PLGRKT: variants seen among roughly 807,000 people sequenced by gnomAD.
The protein encoded by PLGRKT is plasminogen receptor with a C-terminal lysine.
PLGRKT carries 22 observed loss-of-function variants against 18.5 expected under a neutral mutation model. The observed-to-expected ratio is 1.19, with a 90% CI of 0.85 to 1.70. The LOEUF (loss-of-function observed/expected upper bound fraction) is 1.70. PLGRKT is among the 40% of genes most tolerant of loss of function. The pLI, the probability that PLGRKT is intolerant of heterozygous loss-of-function variation, is 0.00. For missense variants in PLGRKT, 235 were observed against 174.4 expected (o/e 1.35, Z -1.96); for synonymous variants, 72 against 52.8 (o/e 1.36, Z -1.58).
chr9:5,416,232 C>T (rs1488151732), intron 3 of PLGRKT, among the ~76,000 whole-genome samples: 1 of 151,964 alleles, frequency 6.6e-6, no homozygotes, highest in Non-Finnish European at 1.5e-5. Context: ...ACATTAAAGA[C>T]ATCTATGGGG....
At chr9:5,420,511 T>A (rs1408532828) in intron 3 of PLGRKT, among the ~76,000 whole-genome samples, 1 of 152,014 alleles carries the variant, frequency 6.6e-6, no homozygotes, top group Non-Finnish European at 1.5e-5. Flanking sequence ...TGGGCAGAAA[T>A]GAGCCCCAGA....
intron 3 of PLGRKT, among the ~76,000 whole-genome samples, chr9:5,421,992 T>A (rs995876345): frequency 6.6e-6 from 1 of 152,242 alleles, no homozygotes; most frequent in African/African-American, 2.4e-5. Flanking sequence ...TTCACTATTC[T>A]GAAATTGCTA....
rs1818517641 is a variant in PLGRKT at position 5,418,886 on chromosome 9, G to T, written c.81+13011C>A. ...TGGAGGCAAACTGAACAGCAGGTGT[G>T]CTTGCAATCCAGCAACTTGGCCTTC... On this transcript the variant is annotated intron_variant, in intron 3 of 5. Coordinates refer to ENST00000223864, the MANE Select transcript of PLGRKT (RefSeq NM_018465.4). This position sits in a 1 kb window ranked among gnomAD's most constrained non-coding sequence, Gnocchi z 4.2. The T allele has an allele frequency of 5.0e-6, 5 of 995,244 alleles. No homozygotes were observed. In the African/African-American group the frequency reaches 8.0e-5, roughly 16 times the overall value. The allele number at this position is 995,244 out of a possible 1,614,324, so 61.7% of individuals were successfully genotyped here. A position where few individuals can be genotyped will look rare whatever the true frequency, so the allele number is the denominator to read the frequency against.
At chr9:5,420,703 T>G (rs945744326) in intron 3 of PLGRKT, among the ~76,000 whole-genome samples, 8 of 152,200 alleles carry the variant, frequency 5.3e-5, no homozygotes, top group African/African-American at 1.9e-4. Flanking sequence ...CTACAAAGAT[T>G]GTGCTGCTTT....
Position 5,371,986 on chromosome 9 carries a change from C to CT in PLGRKT, c.82-10099dup, listed in dbSNP as rs71326158. On this transcript the variant is annotated intron_variant, in intron 3 of 5. Transcript: ENST00000223864. ...CTGCAAAAAACAATATCAGAAAATC[C>CT]TTTTTTTTTTTTTGATATGGAGTCT... Among the ~76,000 whole-genome samples, 67 of 89,108 alleles carry CT rather than the reference C, an allele frequency of 7.5e-4. 4 individuals are homozygous for CT. The highest frequency in any genetic ancestry group is 2.8e-3 in the East Asian group (10 of 3,522). The allele number at this position is 89,108 out of a possible 152,430, so 58.5% of individuals were successfully genotyped here.
chr9:5,421,321 C>T (rs1452315281), intron 3 of PLGRKT, among the ~76,000 whole-genome samples: 1 of 152,224 alleles, frequency 6.6e-6, no homozygotes, highest in Non-Finnish European at 1.5e-5. Context: ...GCTCAAAGGT[C>T]ACCTTCTGAG....
At chr9:5,392,868 G>C (rs1356247036) in intron 3 of PLGRKT, among the ~76,000 whole-genome samples, 3 of 151,486 alleles carry the variant, frequency 2.0e-5, no homozygotes, top group Admixed American at 1.3e-4. Context: ...TTGAGACAGA[G>C]TCTCACTCTG....
chr9:5,403,719 A>C (rs1586729153), intron 3 of PLGRKT, among the ~76,000 whole-genome samples: 3 of 152,248 alleles, frequency 2.0e-5, no homozygotes, highest in African/African-American at 2.4e-5. Flanking sequence ...TTTAGTGATG[A>C]GTATGAAGGG....
At chr9:5,367,438 T>G (rs909401947) in intron 3 of PLGRKT, among the ~76,000 whole-genome samples, 1 of 152,072 alleles carries the variant, frequency 6.6e-6, no homozygotes, top group African/African-American at 2.4e-5. Flanking sequence ...TAAAGCCACA[T>G]ACCTACAACC....
chr9:5,419,257 A>G lies in PLGRKT; in HGVS notation c.81+12640T>C, dbSNP rs114824646. ...CTGGAAACAGTGGTTCCCAAGGAAA[A>G]CATTGCAATATGATTATTTATCCTC... On this transcript the variant is annotated intron_variant, in intron 3 of 5. Transcript: ENST00000223864. Among the ~76,000 whole-genome samples the G allele has an allele frequency of 5.1e-3, 775 of 152,346 alleles. 6 individuals are homozygous for G. Among genetic ancestry groups the G allele is most frequent in the African/African-American group, 0.017 (725 of 41,578 alleles).
intron 3 of PLGRKT, among the ~76,000 whole-genome samples, chr9:5,409,479 C>T (rs1488920731): frequency 6.6e-6 from 1 of 152,230 alleles, no homozygotes; most frequent in African/African-American, 2.4e-5. Flanking sequence ...CCTTAGCCTG[C>T]AGATGGCCTA....
intron 3 of PLGRKT, among the ~76,000 whole-genome samples, chr9:5,394,639 C>T (rs778636072): frequency 2.0e-5 from 3 of 151,884 alleles, no homozygotes; most frequent in African/African-American, 4.9e-5. Context: ...TCTCAACCTC[C>T]TGACCTCAGG....
Position 5,431,899 on chromosome 9 carries a change from G to A in PLGRKT, c.79C>T (p.Gln27Ter), listed in dbSNP as rs1163338012. ...AGCTTAATTATTTTAAAACATACCT[G>A]AAGTCGAGCATTCATAAGCATGAAC... The part of the protein sequence containing the change: ...KEFMLMNARL[Q>*]LERQLIMQSE... The change falls in exon 3 of 6, where the codon CAG becomes TAG. Residue 27 changes from glutamine (Q) to a stop codon, truncating the protein, a stop_gained and splice_region_variant. Transcript: ENST00000223864. LOFTEE classifies it high-confidence loss of function. The A allele has an allele frequency of 6.9e-7, 1 of 1,444,526 alleles. No homozygotes were observed. The highest frequency in any genetic ancestry group is 9.7e-7 in the Non-Finnish European group (1 of 1,027,348). 89.5% of individuals were successfully genotyped at this position (1,444,526 alleles called of 1,614,324 possible). A position where few individuals can be genotyped will look rare whatever the true frequency, so the allele number is the denominator to read the frequency against.
chr9:5,388,345 T>A (rs1817884600), intron 3 of PLGRKT, among the ~76,000 whole-genome samples: 1 of 151,888 alleles, frequency 6.6e-6, no homozygotes, highest in Non-Finnish European at 1.5e-5. Context: ...AGAAATTGGG[T>A]GAGATGAGCA....
intron 3 of PLGRKT, among the ~76,000 whole-genome samples, chr9:5,399,552 G>A (rs888351243): frequency 1.3e-5 from 2 of 151,618 alleles, no homozygotes; most frequent in African/African-American, 4.9e-5. Context: ...AAGGTACATA[G>A]CACCAAACTA....
intron 3 of PLGRKT, among the ~76,000 whole-genome samples, chr9:5,430,376 G>A (rs964838279): frequency 1.3e-5 from 2 of 152,162 alleles, no homozygotes; most frequent in Non-Finnish European, 2.9e-5. Context: ...ACTTGGTCTC[G>A]CCTAGGTCAC....
intron 3 of PLGRKT, among the ~76,000 whole-genome samples, chr9:5,409,025 G>A (rs1262345104): frequency 1.3e-5 from 2 of 152,230 alleles, no homozygotes; most frequent in Non-Finnish European, 2.9e-5. Context: ...TTTGGAGGAT[G>A]TATGGAAAAG....
rs565228233 is a variant in PLGRKT at position 5,391,944 on chromosome 9, G to C, written c.82-30056C>G. 3.9e-5 allele frequency among the ~76,000 whole-genome samples: 6 copies of C among 151,980 alleles called. No homozygotes were observed. In the East Asian group the frequency reaches 9.6e-4, roughly 24 times the overall value. ...TGTTCCTCTCAGTTGAACAATTCAA[G>C]GCTGATCTCCTTAGCTGCAAGGATG... On this transcript the variant is annotated intron_variant, in intron 3 of 5. Coordinates refer to ENST00000223864, the MANE Select transcript of PLGRKT (RefSeq NM_018465.4).
At chr9:5,359,164 G>C (rs533448972) in intron 5 of PLGRKT, among the ~76,000 whole-genome samples, 1 of 152,006 alleles carries the variant, frequency 6.6e-6, no homozygotes, top group East Asian at 1.9e-4. Flanking sequence ...CTGGGTTCAA[G>C]TGATTCTTGT....
Sources: gnomAD v4.1 joint callset for allele counts (sites outside exome capture counted in the v4.1 genomes callset) on GRCh38, gnomAD v4.1.1 for gene constraint, Gnocchi (gnomAD v3.1) non-coding constraint, MANE v1.5 for transcripts, NCBI Gene and HGNC (gene_info 2026-07-23, HGNC 2026-07-21) for gene names.